The following PFKP variants were observed in gnomAD, a reference collection of about 807,000 sequenced individuals.
The protein encoded by PFKP is ATP-dependent 6-phosphofructokinase, platelet type.
A neutral mutation model predicts 94.3 loss-of-function variants in PFKP; 101 were observed. The ratio of observed to expected loss-of-function variants is 1.07; its 90% CI spans 0.91 to 1.26. The LOEUF is 1.26. Ranked by LOEUF, PFKP falls within the 50% of genes most tolerant of loss-of-function variation. The probability of loss-of-function intolerance (pLI) is 0.00; values close to 1 mark genes in which losing one functional copy is unlikely to be tolerated. For synonymous variants in PFKP, 573 were observed against 432.6 expected (o/e 1.32, Z -4.03); for missense variants, 1,145 against 1,103.3 (o/e 1.04, Z -0.53).
intron 20 of PFKP, 33 bp from the exon 21 acceptor site, chr10:3,135,703 G>A (rs753935593): frequency 7.7e-7 from 1 of 1,306,774 alleles, no homozygotes; most frequent in South Asian, 1.2e-5. Context: ...ATGTTGACAG[G>A]GTGTTATTAA....
intron 1 of PFKP, among the ~76,000 whole-genome samples, chr10:3,076,073 T>A (rs1181343495): frequency 1.3e-5 from 2 of 151,388 alleles, no homozygotes; most frequent in East Asian, 1.9e-4. Flanking sequence ...AACTATGTTT[T>A]ATATTCAATC....
At chr10:3,069,426 C>CAG in intron 1 of PFKP, 1 of 1,558,660 alleles carries the variant, frequency 6.4e-7, no homozygotes, top group African/African-American at 1.4e-5. Flanking sequence ...GGATAGGACC[C>CAG]AGAGTGGCTT....
intron 16 of PFKP, 52 bp from the exon 17 acceptor site, chr10:3,129,767 T>G: frequency 6.3e-7 from 1 of 1,595,288 alleles, no homozygotes; most frequent in South Asian, 1.1e-5. Context: ...TCTGGGATGG[T>G]GGGCGCGCCC....
At chr10:3,111,581 T>G (rs1836240277) in intron 10 of PFKP, among the ~76,000 whole-genome samples, 1 of 152,118 alleles carries the variant, frequency 6.6e-6, no homozygotes, top group Admixed American at 6.5e-5. Context: ...GGCGTCTTCC[T>G]GAGGGTCTGA....
intron 14 of PFKP, among the ~76,000 whole-genome samples, chr10:3,118,234 T>A (rs1398845400): frequency 1.3e-5 from 2 of 152,192 alleles, no homozygotes; most frequent in Non-Finnish European, 2.9e-5. Context: ...TCTGGGAGGC[T>A]GAGGCAGGTG....
chr10:3,081,241 T>C (rs882849), intron 1 of PFKP, among the ~76,000 whole-genome samples: 47,189 of 152,060 alleles, frequency 0.31, 7,798 homozygotes, highest in South Asian at 0.37. Flanking sequence ...CCAGCATCGC[T>C]GACCTGGCCC....
intron 3 of PFKP, among the ~76,000 whole-genome samples, chr10:3,100,575 A>C (rs1834896526): frequency 6.6e-6 from 1 of 152,100 alleles, no homozygotes; most frequent in Non-Finnish European, 1.5e-5. Context: ...CTGCAGACCG[A>C]AGGCAGGGAG....
intron 16 of PFKP, among the ~76,000 whole-genome samples, chr10:3,128,263 TCCTC>T (rs903315909): frequency 4.6e-5 from 7 of 152,074 alleles, no homozygotes; most frequent in African/African-American, 1.7e-4. Flanking sequence ...GTGAGGAAGA[TCCTC>T]CCAAGTCAAA....
At chr10:3,116,871 G>C (rs781225605) in intron 14 of PFKP, 25 bp downstream of exon 14, 1 of 1,532,688 alleles carries the variant, frequency 6.5e-7, no homozygotes, top group Admixed American at 1.7e-5. Flanking sequence ...TCAACTCTAT[G>C]ACCTGCTTTT....
rs79219305 is a variant in PFKP, at chr10:3,075,635, C to G, written c.113-6753C>G. On this transcript the variant is annotated intron_variant, in intron 1 of 21. Transcript: ENST00000381125. Reference sequence around the variant, plus strand: ...GAGTGGGGGACTCTGGGTGCCAAGACTCAACATCTGTAATCCCAGCCCTTC... The same window carrying G: ...GAGTGGGGGACTCTGGGTGCCAAGAGTCAACATCTGTAATCCCAGCCCTTC... 4.8e-3 allele frequency among the ~76,000 whole-genome samples: 716 copies of G among 148,914 alleles called. 9 individuals carry two copies. Among genetic ancestry groups the G allele is most frequent in the African/African-American group, 0.017 (694 of 40,118 alleles).
At chr10:3,112,344 C>T in intron 11 of PFKP, 58 bp downstream of exon 11, 1 of 1,241,884 alleles carries the variant, frequency 8.1e-7, no homozygotes, top group Non-Finnish European at 1.2e-6. Flanking sequence ...TCAGGCCCAG[C>T]CACTGCAAAC....
chr10:3,081,103 C>T (rs915626433), intron 1 of PFKP, among the ~76,000 whole-genome samples: 11 of 152,192 alleles, frequency 7.2e-5, no homozygotes, highest in African/African-American at 1.2e-4. Context: ...TATATACACA[C>T]ATACATATAC....
rs141448226 is a variant in PFKP at position 3,113,416 on chromosome 10, T to G, written c.1269T>G (p.Ala423=). 6.2e-7 allele frequency: 1 copy of G among 1,602,150 alleles called. No individual in the cohort carries two copies. Among genetic ancestry groups the G allele is most frequent in the Non-Finnish European group, 8.5e-7 (1 of 1,172,568 alleles). Residue 423 remains alanine, a synonymous_variant, in exon 13 of 22, where the codon GCT becomes GCG. Coordinates refer to ENST00000381125, the MANE Select transcript of PFKP (RefSeq NM_002627.5). ...TCATCAACGTGGGGGCACCCGCGGC[T>G]GGGATGAACGCAGCCGTACGCTCAG... ...VAVINVGAPA[A]GMNAAVRSAV...
chr10:3,088,230 G>C (rs1186363383), intron 2 of PFKP, among the ~76,000 whole-genome samples: 1 of 144,742 alleles, frequency 6.9e-6, no homozygotes, highest in Non-Finnish European at 1.5e-5. Context: ...CCACCTATGA[G>C]TGAGAACATG....
intron 3 of PFKP, chr10:3,100,787 C>A: frequency 1.7e-6 from 1 of 584,294 alleles, no homozygotes; most frequent in Non-Finnish European, 3.0e-6. Context: ...TGATCTATGT[C>A]CCCTGGAAGT....
chr10:3,099,886 G>A (rs1834812795), intron 3 of PFKP, among the ~76,000 whole-genome samples: 1 of 146,616 alleles, frequency 6.8e-6, no homozygotes. Context: ...ATCTCGGTGT[G>A]TGTGTAACTG....
rs1303970766 is a variant in PFKP at position 3,115,378 on chromosome 10, C to T, written c.1372-1398C>T. 9.2e-3 allele frequency among the ~76,000 whole-genome samples: 467 copies of T among 50,588 alleles called. 33 individuals are homozygous for T. Among genetic ancestry groups the T allele is most frequent in the Middle Eastern group, 0.013 (1 of 80 alleles). The allele number at this position is 50,588 out of a possible 152,430, so 33.2% of individuals were successfully genotyped here. On this transcript the variant is annotated intron_variant, in intron 13 of 21. Transcript: ENST00000381125. ...TGGAGTGAAGGTGTGTGTCCCGCAG[C>T]TGAGAACAGGACTGGGGATGCCGGG...
chr10:3,136,728 T>G lies in PFKP; in HGVS notation c.*149T>G. On this transcript the variant is annotated 3_prime_UTR_variant, in exon 22 of 22. Transcript: ENST00000381125. ...CTGCCCCACCTGCTCCAGTGCGTGC[T>G]GTCTGTGGAGTGTGTCTCATGCTTT... is the stretch of plus-strand genomic sequence containing the variant. 1 of 703,708 alleles carries G rather than the reference T, an allele frequency of 1.4e-6. No individual in the cohort carries two copies. Among genetic ancestry groups the G allele is most frequent in the East Asian group, 3.0e-5 (1 of 33,792 alleles). 43.6% of individuals were successfully genotyped at this position (703,708 alleles called of 1,614,324 possible). A position where few individuals can be genotyped will look rare whatever the true frequency, so the allele number is the denominator to read the frequency against.
At position 3,133,196 on chromosome 10, in the gene PFKP, GT is replaced by G; in HGVS notation, c.1911-4del. 1 of 1,608,854 alleles carries G rather than the reference GT, an allele frequency of 6.2e-7. No individual in the cohort carries two copies. Among genetic ancestry groups the G allele is most frequent in the South Asian group, 1.1e-5 (1 of 90,966 alleles). On this transcript the variant is annotated splice_polypyrimidine_tract_variant and splice_region_variant and intron_variant, in intron 18 of 21. Coordinates refer to ENST00000381125, the MANE Select transcript of PFKP (RefSeq NM_002627.5). Reference sequence around the variant, plus strand: ...TAAACAAAGTGACTCCTTCTCGCTCGTTTCAGAAATGAGAGCTGCAGTGAAA... The same window carrying G: ...TAAACAAAGTGACTCCTTCTCGCTCGTTCAGAAATGAGAGCTGCAGTGAAA...
Sources: gnomAD v4.1 joint callset for allele counts (sites outside exome capture counted in the v4.1 genomes callset) on GRCh38, gnomAD v4.1.1 for gene constraint, MANE v1.5 for transcripts, NCBI Gene and HGNC (gene_info 2026-07-23, HGNC 2026-07-21) for gene names.